Variants in SLC44A5 observed in about 807,000 individuals in gnomAD.
The protein encoded by SLC44A5 is choline transporter-like protein 5.
Under a neutral mutation model 101.8 loss-of-function variants are expected in SLC44A5, and 57 were observed. The observed-to-expected ratio is 0.56, with a 90% confidence interval of 0.45 to 0.70. The LOEUF (loss-of-function observed/expected upper bound fraction) is 0.70. Ranked by LOEUF, SLC44A5 falls within the 30% of genes least tolerant of loss-of-function variation. SLC44A5 has a pLI of 0.00. For synonymous variants in SLC44A5, 281 were observed against 290.9 expected (o/e 0.97, Z 0.35); for missense variants, 737 against 853.1 (o/e 0.86, Z 1.70).
At chr1:75,628,291 T>C in the SLC44A5 span, among the ~76,000 whole-genome samples, 34 of 152,168 alleles carry the variant, frequency 2.2e-4, no homozygotes, top group Non-Finnish European at 1.6e-4. Flanking sequence ...TGATTTCACA[T>C]ATCTGTATCA....
At chr1:75,683,175 A>T in the SLC44A5 span, among the ~76,000 whole-genome samples, 1 of 151,270 alleles carries the variant, frequency 6.6e-6, no homozygotes, top group African/African-American at 2.4e-5. Flanking sequence ...AAACTAGTTC[A>T]ACCATTGTGG....
intron 1 of SLC44A5, among the ~76,000 whole-genome samples, chr1:75,597,873 G>C (rs1008166098): frequency 9.9e-5 from 15 of 152,114 alleles, no homozygotes; most frequent in Non-Finnish European, 5.9e-5. Context: ...TCAGAATATA[G>C]ACACGGGCAA....
the SLC44A5 span, among the ~76,000 whole-genome samples, chr1:75,694,579 G>A: frequency 2.0e-5 from 3 of 152,046 alleles, no homozygotes; most frequent in African/African-American, 7.2e-5. Flanking sequence ...AGATTAAGAT[G>A]TGGGACATAG....
chr1:75,618,041 G>A, the SLC44A5 span, among the ~76,000 whole-genome samples: 8 of 152,074 alleles, frequency 5.3e-5, no homozygotes, highest in East Asian at 1.9e-4. Context: ...CCACAGCTTC[G>A]GTGTAACTCT....
chr1:75,683,497 A>G, the SLC44A5 span, among the ~76,000 whole-genome samples: 1 of 152,050 alleles, frequency 6.6e-6, no homozygotes, highest in African/African-American at 2.4e-5. Context: ...TCAGTAAACT[A>G]TCACAAGAAC....
chr1:75,620,401 A>G, the SLC44A5 span, among the ~76,000 whole-genome samples: 12 of 152,326 alleles, frequency 7.9e-5, no homozygotes, highest in East Asian at 2.3e-3. Flanking sequence ...TCCTTGAGGA[A>G]TCACCACACT....
chr1:75,369,851 A>T (rs943956597), intron 3 of SLC44A5, among the ~76,000 whole-genome samples: 7 of 152,316 alleles, frequency 4.6e-5, no homozygotes, highest in Admixed American at 3.3e-4. Context: ...GAAACAGTTC[A>T]ATCAATTACC....
intron 11 of SLC44A5, among the ~76,000 whole-genome samples, chr1:75,234,853 C>A (rs181605982): frequency 6.6e-6 from 1 of 152,032 alleles, no homozygotes; most frequent in African/African-American, 2.4e-5. Context: ...TCCCATATAT[C>A]CAGGTTAAGG....
chr1:75,597,501 A>G (rs528911191), intron 1 of SLC44A5, among the ~76,000 whole-genome samples: 2 of 152,232 alleles, frequency 1.3e-5, no homozygotes, highest in East Asian at 3.9e-4. Context: ...GCAATCATAC[A>G]CAAAAAGAGT....
intron 1 of SLC44A5, among the ~76,000 whole-genome samples, chr1:75,556,473 C>G (rs1672221544): frequency 6.6e-6 from 1 of 152,044 alleles, no homozygotes; most frequent in African/African-American, 2.4e-5. Flanking sequence ...ATGATATTGG[C>G]AAGCCCCCAC....
At chr1:75,390,885 G>A (rs144554927) in intron 3 of SLC44A5, among the ~76,000 whole-genome samples, 7 of 152,018 alleles carry the variant, frequency 4.6e-5, no homozygotes, top group Non-Finnish European at 8.8e-5. Context: ...ATCTAAATAG[G>A]AAAAGAATAT....
intron 7 of SLC44A5, among the ~76,000 whole-genome samples, chr1:75,250,867 T>C (rs1649511115): frequency 6.6e-6 from 1 of 152,070 alleles, no homozygotes; most frequent in South Asian, 2.1e-4. Flanking sequence ...CTGAAAAACG[T>C]GGTTTGTTAG....
the SLC44A5 span, among the ~76,000 whole-genome samples, chr1:75,678,926 T>C: frequency 1.3e-5 from 2 of 152,266 alleles, no homozygotes; most frequent in Admixed American, 6.5e-5. Flanking sequence ...AAGGAGCTGA[T>C]GGAGCTGAAA....
intron 3 of SLC44A5, among the ~76,000 whole-genome samples, chr1:75,389,016 A>G (rs1169149541): frequency 6.6e-6 from 1 of 152,138 alleles, no homozygotes; most frequent in Admixed American, 6.5e-5. Context: ...AATGAAAAAG[A>G]GCAGGAGTGG....
At chr1:75,297,649 T>C (rs1331426877) in intron 5 of SLC44A5, among the ~76,000 whole-genome samples, 1 of 152,222 alleles carries the variant, frequency 6.6e-6, no homozygotes, top group African/African-American at 2.4e-5. Flanking sequence ...ATGATAGCAA[T>C]AAGTATAGGA....
At chr1:75,642,277 A>G in the SLC44A5 span, among the ~76,000 whole-genome samples, 1 of 152,100 alleles carries the variant, frequency 6.6e-6, no homozygotes, top group Non-Finnish European at 1.5e-5. Flanking sequence ...CTTAGATACC[A>G]TTGCTTCATT....
chr1:75,308,245 T>C (rs1468545148), intron 4 of SLC44A5, among the ~76,000 whole-genome samples: 1 of 152,228 alleles, frequency 6.6e-6, no homozygotes, highest in African/African-American at 2.4e-5. Flanking sequence ...AGTTAGTTCT[T>C]CTGAGTAATT....
chr1:75,604,722 C>A (rs1323836769), intron 1 of SLC44A5, among the ~76,000 whole-genome samples: 1 of 150,142 alleles, frequency 6.7e-6, no homozygotes, highest in Non-Finnish European at 1.5e-5. Context: ...TTTGTAGAGA[C>A]CTTTTACTTC....
intron 3 of SLC44A5, among the ~76,000 whole-genome samples, chr1:75,375,021 T>C (rs966698518): frequency 2.0e-5 from 3 of 152,166 alleles, no homozygotes; most frequent in Non-Finnish European, 4.4e-5. Flanking sequence ...TTGAAATGTC[T>C]GAAACAACTG....
Sources: gnomAD v4.1 joint callset for allele counts (sites outside exome capture counted in the v4.1 genomes callset) on GRCh38, gnomAD v4.1.1 for gene constraint, MANE v1.5 for transcripts, NCBI Gene and HGNC (gene_info 2026-07-23, HGNC 2026-07-21) for gene names.